SHCBP1L: variants seen among roughly 807,000 people sequenced by gnomAD.
SHCBP1L encodes the protein testicular spindle-associated protein SHCBP1L.
SHCBP1L carries 67 observed loss-of-function variants against 62.5 expected under a neutral mutation model. The observed-to-expected ratio is 1.07, with a 90% CI of 0.88 to 1.31. The LOEUF (loss-of-function observed/expected upper bound fraction) is 1.31. Among genes scored for constraint, SHCBP1L ranks in the 40% most tolerant of loss-of-function variants. The pLI, the probability that SHCBP1L is intolerant of heterozygous loss-of-function variation, is 0.00. For missense variants in SHCBP1L, 823 were observed against 809.8 expected (o/e 1.02, Z -0.20); for synonymous variants, 284 against 289.4 (o/e 0.98, Z 0.19).
chr1:182,951,516 T>G (rs533911130), intron 1 of SHCBP1L, 49 bp from the exon 2 acceptor site: 10 of 1,319,322 alleles, frequency 7.6e-6, no homozygotes, highest in Non-Finnish European at 1.0e-5. Context: ...AAATTATAGA[T>G]TTTAAACTAA....
chr1:182,930,734 T>A (rs1325177932), intron 5 of SHCBP1L, among the ~76,000 whole-genome samples: 4 of 105,586 alleles, frequency 3.8e-5, no homozygotes, highest in Non-Finnish European at 6.0e-5. Flanking sequence ...TGTATTTTTT[T>A]TTTTTTTTTT....
chr1:182,924,935 G>GAAGGAAGGAAGAAAGA (rs1469823824), intron 6 of SHCBP1L, among the ~76,000 whole-genome samples: 3 of 62,344 alleles, frequency 4.8e-5, no homozygotes, highest in African/African-American at 1.8e-4. Flanking sequence ...AGGAAGGAAG[G>GAAGGAAGGAAGAAAGA]AAGAAAGAAA....
chr1:182,952,710 C>T lies in SHCBP1L; in HGVS notation c.405+19G>A, dbSNP rs1651819549. 1 of 1,583,652 alleles carries T rather than the reference C, an allele frequency of 6.3e-7. No homozygotes were observed. The highest frequency in any genetic ancestry group is 1.4e-5 in the African/African-American group (1 of 73,138). On this transcript the variant is annotated intron_variant, in intron 1 of 9. Coordinates refer to ENST00000367547, the MANE Select transcript of SHCBP1L (RefSeq NM_030933.4). ...CGACGAGCTTCCGACCGTAGTCTTC[C>T]TGTCCCGGATCCGCTCACCTTACAG...
At chr1:182,901,630 T>C (rs1030027348) in intron 9 of SHCBP1L, among the ~76,000 whole-genome samples, 5 of 152,228 alleles carry the variant, frequency 3.3e-5, no homozygotes, top group African/African-American at 9.6e-5. Flanking sequence ...TTATAAACCA[T>C]GTTTATCAAA....
intron 6 of SHCBP1L, among the ~76,000 whole-genome samples, chr1:182,911,114 T>C (rs552451106): frequency 1.2e-3 from 178 of 152,308 alleles, no homozygotes; most frequent in Non-Finnish European, 2.1e-3. Flanking sequence ...GGTCTCAAAC[T>C]CTTGGCCTCA....
intron 6 of SHCBP1L, among the ~76,000 whole-genome samples, chr1:182,923,123 A>C (rs963182943): frequency 3.9e-5 from 6 of 152,220 alleles, no homozygotes; most frequent in African/African-American, 1.4e-4. Context: ...AAAAACTAGA[A>C]AATCTAAAGG....
Position 182,939,162 on chromosome 1 carries a change from G to T in SHCBP1L, c.1076+14C>A, listed in dbSNP as rs375109928. 1 of 1,591,692 alleles carries T rather than the reference G, an allele frequency of 6.3e-7. No homozygotes were observed. The highest frequency in any genetic ancestry group is 1.1e-5 in the South Asian group (1 of 88,362). Reference sequence around the variant, plus strand: ...TAAACTTTTGCTTCTATTTGAAATAGAGCAAATTATTACCGGAGGCGTAAA... The same window carrying T: ...TAAACTTTTGCTTCTATTTGAAATATAGCAAATTATTACCGGAGGCGTAAA... On this transcript the variant is annotated intron_variant, in intron 5 of 9. Coordinates refer to ENST00000367547, the MANE Select transcript of SHCBP1L (RefSeq NM_030933.4).
chr1:182,903,185 C>T, intron 8 of SHCBP1L, 24 bp from the exon 9 acceptor site: 1 of 1,501,788 alleles, frequency 6.7e-7, no homozygotes, highest in Non-Finnish European at 8.9e-7. Context: ...GCAAATAAAA[C>T]TATCTACAAA....
chr1:182,910,817 G>GCTCA (rs574596309), intron 6 of SHCBP1L, among the ~76,000 whole-genome samples: 239 of 152,282 alleles, frequency 1.6e-3, no homozygotes, highest in African/African-American at 5.6e-3. Flanking sequence ...GAGTGCCTCA[G>GCTCA]CTCAGAGACA....
chr1:182,920,567 CA>C (rs1650497037), intron 6 of SHCBP1L, among the ~76,000 whole-genome samples: 1 of 152,140 alleles, frequency 6.6e-6, no homozygotes, highest in Non-Finnish European at 1.5e-5. Flanking sequence ...GGTTCTTAAC[CA>C]GGCTGAAATG....
At chr1:182,916,629 A>G (rs1375951718) in intron 6 of SHCBP1L, among the ~76,000 whole-genome samples, 2 of 152,172 alleles carry the variant, frequency 1.3e-5, no homozygotes, top group African/African-American at 4.8e-5. Context: ...CTGATTTCAT[A>G]CCAACAAAAA....
chr1:182,947,236 C>CAAAAAAAAAAAAAAAAAAAAAAAAAAA (rs761348678), intron 2 of SHCBP1L, among the ~76,000 whole-genome samples: 1 of 62,228 alleles, frequency 1.6e-5, no homozygotes, highest in African/African-American at 5.5e-5. Context: ...GACTCTGTCT[C>CAAAAAAAAAAAAAAAAAAAAAAAAAAA]AAAAAAAAAA....
rs1446846469 is a variant in SHCBP1L at position 182,942,387 on chromosome 1, CCTT to C, written c.556-1847_556-1845del. On this transcript the variant is annotated intron_variant, in intron 2 of 9. Transcript: ENST00000367547. Reference sequence around the variant, plus strand: ...TTGGCGGCCCCTTCGGCGGAGCTGACCTTCCTCTTGGGTATCCTGGCGGCAGGC... The same window carrying C: ...TTGGCGGCCCCTTCGGCGGAGCTGACCCTCTTGGGTATCCTGGCGGCAGGC... 5.4e-6 allele frequency: 4 copies of C among 739,374 alleles called. No individual in the cohort carries two copies. The Admixed American group carries it at 7.6e-5, about 14-fold the overall frequency. The allele number at this position is 739,374 out of a possible 1,614,324, so 45.8% of individuals were successfully genotyped here.
At chr1:182,938,352 C>T (rs1319282311) in intron 5 of SHCBP1L, among the ~76,000 whole-genome samples, 2 of 152,168 alleles carry the variant, frequency 1.3e-5, no homozygotes, top group Non-Finnish European at 2.9e-5. Flanking sequence ...GATCTGCCCA[C>T]CTCGGCCTCC....
chr1:182,909,130 AT>A (rs201240737), intron 6 of SHCBP1L, among the ~76,000 whole-genome samples: 54 of 152,126 alleles, frequency 3.5e-4, no homozygotes, highest in African/African-American at 1.1e-3. Flanking sequence ...CCTCATTTAT[AT>A]TTTTTTTATT....
At chr1:182,945,284 G>A (rs1396296291) in intron 2 of SHCBP1L, among the ~76,000 whole-genome samples, 2 of 151,968 alleles carry the variant, frequency 1.3e-5, no homozygotes, top group African/African-American at 2.4e-5. Flanking sequence ...TTTCTACGTG[G>A]CTTTCATTAA....
intron 5 of SHCBP1L, among the ~76,000 whole-genome samples, chr1:182,931,601 T>C (rs1467864363): frequency 6.6e-6 from 1 of 152,170 alleles, no homozygotes; most frequent in Non-Finnish European, 1.5e-5. Flanking sequence ...TTTTTCTTAA[T>C]AGGCTTTATT....
chr1:182,937,192 T>C (rs1651208327), intron 5 of SHCBP1L, among the ~76,000 whole-genome samples: 1 of 152,172 alleles, frequency 6.6e-6, no homozygotes, highest in Non-Finnish European at 1.5e-5. Context: ...GAACTTCCTT[T>C]AACCTTTCTT....
intron 2 of SHCBP1L, chr1:182,942,256 T>A (rs2101954135): frequency 7.4e-7 from 1 of 1,353,514 alleles, no homozygotes; most frequent in Non-Finnish European, 1.1e-6. Context: ...TTGTTTGCAC[T>A]TTTTTGTCTG....
Sources: allele counts gnomAD v4.1 joint callset (sites outside exome capture counted in the v4.1 genomes callset), GRCh38; gene constraint gnomAD v4.1.1; transcripts MANE v1.5; gene names NCBI Gene and HGNC (gene_info 2026-07-23, HGNC 2026-07-21).